ITGB3: variants seen among roughly 807,000 people sequenced by gnomAD.
The protein encoded by ITGB3 is integrin subunit beta 3.
Under a neutral mutation model 85.8 loss-of-function variants are expected in ITGB3, and 48 were observed. The ratio of observed to expected loss-of-function variants is 0.56; its 90% CI spans 0.44 to 0.71. The LOEUF is 0.71. Among genes scored for constraint, ITGB3 ranks in the 30% least tolerant of loss-of-function variants. The pLI is 0.00. For missense variants in ITGB3, 861 were observed against 1,019.1 expected (o/e 0.84, Z 2.11); for synonymous variants, 363 against 395.6 (o/e 0.92, Z 0.98).
chr17:47,268,404 G>A (rs2065033068), intron 1 of ITGB3, among the ~76,000 whole-genome samples: 1 of 152,188 alleles, frequency 6.6e-6, no homozygotes, highest in South Asian at 2.1e-4. Context: ...CTGCCTATGA[G>A]ACTGTAAAAT....
At chr17:47,295,833 G>A (rs2065144078) in intron 10 of ITGB3, among the ~76,000 whole-genome samples, 1 of 152,188 alleles carries the variant, frequency 6.6e-6, no homozygotes, top group South Asian at 2.1e-4. Context: ...TGTGAGGTTG[G>A]CCGATAGCAG....
At chr17:47,257,895 TG>T (rs1447691688) in intron 1 of ITGB3, among the ~76,000 whole-genome samples, 1 of 152,122 alleles carries the variant, frequency 6.6e-6, no homozygotes, top group Non-Finnish European at 1.5e-5. Flanking sequence ...GACCATAAGA[TG>T]GGGCAAGCAC....
In ITGB3 at chr17:47,307,577, C is replaced by T; in HGVS notation, c.2241C>T (p.Ile747=). 1 of 1,614,202 alleles carries T rather than the reference C, an allele frequency of 6.2e-7. No homozygotes were observed. The highest frequency in any genetic ancestry group is 8.5e-7 in the Non-Finnish European group (1 of 1,180,034). The part of the protein sequence containing the change: ...ALLIWKLLIT[I]HDRKEFAKFE... Reference sequence around the variant, plus strand: ...TCATCTGGAAACTCCTCATCACCATCCACGACCGAAAAGAATTCGCTAAAT... The same window carrying T: ...TCATCTGGAAACTCCTCATCACCATTCACGACCGAAAAGAATTCGCTAAAT... The change falls in exon 14 of 15, where the codon ATC becomes ATT. Residue 747 remains isoleucine, a synonymous_variant. Transcript: ENST00000559488.
chr17:47,264,220 G>T (rs887607577), intron 1 of ITGB3, among the ~76,000 whole-genome samples: 7 of 152,172 alleles, frequency 4.6e-5, no homozygotes, highest in African/African-American at 1.7e-4. Flanking sequence ...AGTGGGTTGT[G>T]ACCTCTAGTC....
rs1467099749 is a variant in ITGB3 at position 47,299,495 on chromosome 17, G to A, written c.1878G>A (p.Lys626=). 3 of 1,614,250 alleles carry A rather than the reference G, an allele frequency of 1.9e-6. No homozygotes were observed. The highest frequency in any genetic ancestry group is 2.5e-6 in the Non-Finnish European group (3 of 1,180,034). The change falls in exon 11 of 15, where the codon AAG becomes AAA. Residue 626 remains lysine, a synonymous_variant. Transcript: ENST00000559488. The surrounding 1 kb of genome is among the most constrained non-coding windows in gnomAD (Gnocchi z 5.1). The part of the protein sequence containing the change: ...QPGSYGDTCE[K]CPTCPDACTF... ...GCTCCTATGGGGACACCTGTGAGAA[G>A]TGCCCCACCTGCCCAGATGCCTGCA...
At chr17:47,266,175 G>T (rs2065024488) in intron 1 of ITGB3, among the ~76,000 whole-genome samples, 1 of 152,110 alleles carries the variant, frequency 6.6e-6, no homozygotes, top group South Asian at 2.1e-4. Context: ...ATTGGGAAGT[G>T]AGCAGTCAAA....
chr17:47,255,072 G>C (rs1223477579), intron 1 of ITGB3, among the ~76,000 whole-genome samples: 3 of 152,068 alleles, frequency 2.0e-5, no homozygotes, highest in Non-Finnish European at 4.4e-5. Flanking sequence ...TCTGCCTCCT[G>C]GGTTTAAGCG....
chr17:47,280,979 A>G (rs1272424942), intron 2 of ITGB3, among the ~76,000 whole-genome samples: 1 of 152,212 alleles, frequency 6.6e-6, no homozygotes, highest in Non-Finnish European at 1.5e-5. Flanking sequence ...TAGCTCTGCA[A>G]CTTTGAGCAA....
intron 1 of ITGB3, among the ~76,000 whole-genome samples, chr17:47,261,970 A>C (rs930248511): frequency 6.6e-6 from 1 of 152,280 alleles, no homozygotes; most frequent in South Asian, 2.1e-4. Flanking sequence ...CTGTTGGCAG[A>C]CATTGGGATC....
rs770992537 is a variant in ITGB3 at position 47,292,141 on chromosome 17, G to A, written c.1263G>A (p.Val421=). Residue 421 remains valine (V), a splice_region_variant and synonymous_variant, in exon 10 of 15, where the codon GTG becomes GTA. Transcript: ENST00000559488. ...ATACAATCTTTCTTTCCATCCAGGT[G>A]AGCTTCAGCATTGAGGCCAAGGTGC... ...SCMGLKIGDT[V]SFSIEAKVRG... The A allele has an allele frequency of 1.2e-6, 2 of 1,614,108 alleles. No individual in the cohort carries two copies. The highest frequency in any genetic ancestry group is 8.5e-7 in the Non-Finnish European group (1 of 1,179,974).
chr17:47,253,977 C>A, intron 1 of ITGB3, 37 bp downstream of exon 1: 2 of 1,292,498 alleles, frequency 1.5e-6, no homozygotes, highest in Non-Finnish European at 2.0e-6. Flanking sequence ...TCGCAGCTGC[C>A]CCAGGATCTG....
At chr17:47,289,563 G>T in intron 6 of ITGB3, 118 bp from the exon 7 acceptor site, 1 of 750,442 alleles carries the variant, frequency 1.3e-6, no homozygotes, top group South Asian at 1.5e-5. Flanking sequence ...AGCATGAAGT[G>T]AAATGGTTTA....
rs573976887 is a variant in ITGB3 at position 47,299,650 on chromosome 17, C to T, written c.1913+120C>T. ...CCAGAGCCTTAGGGAGAGGAGTCCA[C>T]TCCAGCCAGATGGCTGTCTCTCCTT... On this transcript the variant is annotated intron_variant, in intron 11 of 14. Transcript: ENST00000559488. The surrounding 1 kb of genome is among the most constrained non-coding windows in gnomAD (Gnocchi z 5.1). 4.2e-6 allele frequency: 4 copies of T among 952,492 alleles called. No homozygotes were observed. The highest frequency in any genetic ancestry group is 1.4e-5 in the South Asian group (1 of 71,828). The allele number at this position is 952,492 out of a possible 1,614,324, so 59.0% of individuals were successfully genotyped here.
chr17:47,276,707 G>T (rs982812899), intron 2 of ITGB3, among the ~76,000 whole-genome samples: 2 of 152,184 alleles, frequency 1.3e-5, no homozygotes, highest in Non-Finnish European at 2.9e-5. Context: ...TGGTGACCGG[G>T]GAGGGATGGG....
chr17:47,268,352 A>C (rs1272697555), intron 1 of ITGB3, among the ~76,000 whole-genome samples: 1 of 152,218 alleles, frequency 6.6e-6, no homozygotes, highest in African/African-American at 2.4e-5. Flanking sequence ...TTAACCTGAA[A>C]GTCCAAGTCC....
intron 6 of ITGB3, among the ~76,000 whole-genome samples, chr17:47,288,143 C>G (rs1158363785): frequency 6.6e-6 from 1 of 151,368 alleles, no homozygotes; most frequent in East Asian, 1.9e-4. Context: ...CCTCTTAAGC[C>G]TCCCAAAGTG....
intron 6 of ITGB3, among the ~76,000 whole-genome samples, chr17:47,287,474 G>A (rs747281332): frequency 1.3e-5 from 2 of 152,188 alleles, no homozygotes; most frequent in Non-Finnish European, 2.9e-5. Context: ...CAGCATAGCA[G>A]CAGCATCATG....
At chr17:47,274,348 G>T in intron 1 of ITGB3, 71 bp from the exon 2 acceptor site, 1 of 1,357,580 alleles carries the variant, frequency 7.4e-7, no homozygotes, top group South Asian at 1.2e-5. Flanking sequence ...GGGAAAGTTG[G>T]GAAGGATGAG....
chr17:47,290,411 A>C, intron 8 of ITGB3, 137 bp downstream of exon 8: 1 of 787,640 alleles, frequency 1.3e-6, no homozygotes, highest in Non-Finnish European at 2.3e-6. Context: ...CCCAGAGCCC[A>C]GGCAATGGCC....
Sources: allele counts gnomAD v4.1 joint callset (sites outside exome capture counted in the v4.1 genomes callset), GRCh38; gene constraint gnomAD v4.1.1; non-coding constraint Gnocchi (gnomAD v3.1); transcripts MANE v1.5; gene names NCBI Gene and HGNC (gene_info 2026-07-23, HGNC 2026-07-21).